The following NFIB variants were observed in gnomAD, a reference collection of about 807,000 sequenced individuals.
The protein encoded by NFIB is nuclear factor 1 B-type.
In NFIB, 11 loss-of-function variants were observed where a neutral mutation model predicts 61.5. That is an observed-to-expected ratio of 0.18 (90% confidence interval 0.11 to 0.30). The LOEUF (loss-of-function observed/expected upper bound fraction) is 0.30. Ranked by LOEUF, NFIB falls within the 10% of genes least tolerant of loss-of-function variation. The pLI is 1.00. For synonymous variants in NFIB, 260 were observed against 216.5 expected (o/e 1.20, Z -1.76); for missense variants, 471 against 608.9 (o/e 0.77, Z 2.38).
intron 2 of NFIB, among the ~76,000 whole-genome samples, chr9:14,209,812 G>A (rs1587630009): frequency 6.6e-6 from 1 of 152,078 alleles, no homozygotes; most frequent in Non-Finnish European, 1.5e-5. Context: ...CACTGCCTCT[G>A]GGTAAACTTG....
intron 1 of NFIB, among the ~76,000 whole-genome samples, chr9:14,396,247 G>A (rs925070382): frequency 3.3e-5 from 5 of 150,450 alleles, no homozygotes; most frequent in African/African-American, 1.2e-4. Context: ...TTGGGACAAC[G>A]AACAGGCACA....
the NFIB span, among the ~76,000 whole-genome samples, chr9:14,484,857 G>T: frequency 6.6e-6 from 1 of 152,182 alleles, no homozygotes; most frequent in Non-Finnish European, 1.5e-5. Context: ...TAGACTGGGG[G>T]GCTGAAACAA....
At chr9:14,238,397 T>G (rs145040712) in intron 2 of NFIB, among the ~76,000 whole-genome samples, 2 of 152,184 alleles carry the variant, frequency 1.3e-5, no homozygotes, top group African/African-American at 2.4e-5. Context: ...AAGAGTTTAA[T>G]ACGTAAGGTT....
At chr9:14,436,757 A>T in the NFIB span, among the ~76,000 whole-genome samples, 21 of 152,136 alleles carry the variant, frequency 1.4e-4, no homozygotes, top group African/African-American at 4.8e-4. Flanking sequence ...CTCTCCCACT[A>T]ATTTATTCAT....
intron 1 of NFIB, chr9:14,362,555 A>G (rs1406435165): frequency 2.0e-5 from 3 of 152,192 alleles, no homozygotes; most frequent in Non-Finnish European, 4.4e-5. Flanking sequence ...TAATTCTTCA[A>G]GAAAAGGAAG....
the NFIB span, among the ~76,000 whole-genome samples, chr9:14,526,811 A>G: frequency 6.6e-6 from 1 of 152,200 alleles, no homozygotes; most frequent in African/African-American, 2.4e-5. Context: ...GAAAATCAAC[A>G]CCAGCTTTCC....
chr9:14,334,592 G>A (rs761526903), intron 1 of NFIB, among the ~76,000 whole-genome samples: 5 of 152,048 alleles, frequency 3.3e-5, no homozygotes, highest in Admixed American at 3.3e-4. Flanking sequence ...TCCTTTGCCA[G>A]TTTATATCTG....
At chr9:14,247,001 C>A (rs573125410) in intron 2 of NFIB, among the ~76,000 whole-genome samples, 40 of 150,040 alleles carry the variant, frequency 2.7e-4, no homozygotes, top group South Asian at 6.3e-4. Flanking sequence ...TTCACTATAT[C>A]TCTCTCTCTC....
chr9:14,126,255 C>T (rs1322683037), intron 6 of NFIB, among the ~76,000 whole-genome samples: 9 of 152,210 alleles, frequency 5.9e-5, no homozygotes, highest in Non-Finnish European at 1.3e-4. Context: ...CCTTAATTTA[C>T]TCCTTCTGCA....
intron 4 of NFIB, among the ~76,000 whole-genome samples, chr9:14,154,363 G>A (rs2043163184): frequency 6.6e-6 from 1 of 152,064 alleles, no homozygotes; most frequent in Admixed American, 6.6e-5. Flanking sequence ...AGCACCATAA[G>A]CCTTTCCGCT....
chr9:14,417,101 T>TA, the NFIB span, among the ~76,000 whole-genome samples: 1 of 151,282 alleles, frequency 6.6e-6, no homozygotes, highest in African/African-American at 2.5e-5. Context: ...ACCATGTTGC[T>TA]AGGCTGGTCT....
chr9:14,209,915 G>A (rs2050141122), intron 2 of NFIB, among the ~76,000 whole-genome samples: 1 of 151,622 alleles, frequency 6.6e-6, no homozygotes, highest in South Asian at 2.1e-4. Flanking sequence ...AAACCTGGTT[G>A]CTTAGGCATT....
At chr9:14,436,431 G>T in the NFIB span, among the ~76,000 whole-genome samples, 2 of 152,208 alleles carry the variant, frequency 1.3e-5, no homozygotes. Context: ...ACCAGGTAAG[G>T]CTTTCATTTG....
At chr9:14,237,906 G>C (rs1054512118) in intron 2 of NFIB, among the ~76,000 whole-genome samples, 2 of 143,198 alleles carry the variant, frequency 1.4e-5, no homozygotes, top group Non-Finnish European at 3.1e-5. Flanking sequence ...ACCATATTCT[G>C]GGTTCTGGGC....
At chr9:14,403,452 T>C (rs1467232953), upstream of NFIB, among the ~76,000 whole-genome samples, 1 of 152,170 alleles carries the variant, frequency 6.6e-6, no homozygotes, top group African/African-American at 2.4e-5. Context: ...TTTGTAATTT[T>C]CAGACTCTTA....
chr9:14,369,574 T>A (rs1346494978), intron 1 of NFIB, among the ~76,000 whole-genome samples: 1 of 152,072 alleles, frequency 6.6e-6, no homozygotes, highest in Non-Finnish European at 1.5e-5. Flanking sequence ...CACCTCTCCC[T>A]TCCCCACACA....
intron 1 of NFIB, among the ~76,000 whole-genome samples, chr9:14,392,193 T>C (rs1225756294): frequency 2.6e-5 from 4 of 152,108 alleles, no homozygotes; most frequent in Non-Finnish European, 5.9e-5. Context: ...TGACTAAATA[T>C]AACGTGGCAT....
At chr9:14,424,980 C>T in the NFIB span, among the ~76,000 whole-genome samples, 1 of 152,140 alleles carries the variant, frequency 6.6e-6, no homozygotes, top group African/African-American at 2.4e-5. Context: ...TCCAATCTCC[C>T]CCCCTGGGCC....
chr9:14,234,563 T>A (rs2053545532), intron 2 of NFIB, among the ~76,000 whole-genome samples: 1 of 151,796 alleles, frequency 6.6e-6, no homozygotes. Flanking sequence ...AGAGACAGGG[T>A]TTCACCATAT....
Sources: allele counts gnomAD v4.1 joint callset (sites outside exome capture counted in the v4.1 genomes callset), GRCh38; gene constraint gnomAD v4.1.1; transcripts MANE v1.5; gene names NCBI Gene and HGNC (gene_info 2026-07-23, HGNC 2026-07-21).